DGKB: variants seen among roughly 807,000 people sequenced by gnomAD.
DGKB encodes 90 kDa diacylglycerol kinase.
A neutral mutation model predicts 114.3 loss-of-function variants in DGKB; 67 were observed. That is an observed-to-expected ratio of 0.59 (90% CI 0.48 to 0.72). The LOEUF is 0.72. Among genes scored for constraint, DGKB ranks in the 30% least tolerant of loss-of-function variants. The pLI is 0.00. For synonymous variants in DGKB, 398 were observed against 323.1 expected, an observed-to-expected ratio of 1.23 and a Z score of -2.49; for missense variants, 907 against 975.2, an observed-to-expected ratio of 0.93 and a Z score of 0.93.
chr7:14,609,766 A>G (rs992185120), intron 16 of DGKB, among the ~76,000 whole-genome samples: 6 of 152,038 alleles, frequency 3.9e-5, no homozygotes, highest in African/African-American at 1.4e-4. Flanking sequence ...AAACATATGA[A>G]AACATGCTTA....
At chr7:14,401,738 G>C (rs1306857740) in intron 21 of DGKB, among the ~76,000 whole-genome samples, 4 of 151,670 alleles carry the variant, frequency 2.6e-5, no homozygotes, top group African/African-American at 7.3e-5. Flanking sequence ...CAGCATTATA[G>C]TTAACCAATT....
intron 21 of DGKB, among the ~76,000 whole-genome samples, chr7:14,394,765 A>G (rs1001382514): frequency 1.3e-5 from 2 of 152,004 alleles, no homozygotes; most frequent in Admixed American, 1.3e-4. Context: ...GTCTAACTCA[A>G]GATATTCTAA....
At chr7:14,501,606 T>C (rs1458690269) in intron 20 of DGKB, among the ~76,000 whole-genome samples, 2 of 151,850 alleles carry the variant, frequency 1.3e-5, no homozygotes, top group African/African-American at 4.8e-5. Flanking sequence ...GAGAATCATC[T>C]CCAGGAAGCT....
chr7:14,493,323 A>G (rs778670070), intron 20 of DGKB, among the ~76,000 whole-genome samples: 5 of 152,066 alleles, frequency 3.3e-5, no homozygotes, highest in Non-Finnish European at 7.4e-5. Flanking sequence ...ATAAGTATAT[A>G]TATGGTTTTC....
chr7:14,786,585 C>T (rs1839931338), intron 2 of DGKB, among the ~76,000 whole-genome samples: 2 of 152,234 alleles, frequency 1.3e-5, no homozygotes, highest in Non-Finnish European at 2.9e-5. Context: ...CCTGCACTCC[C>T]AGGCACAGCT....
chr7:14,246,167 T>C (rs1794449187), intron 23 of DGKB, among the ~76,000 whole-genome samples: 1 of 152,166 alleles, frequency 6.6e-6, no homozygotes, highest in Non-Finnish European at 1.5e-5. Flanking sequence ...TATATATTAC[T>C]GCTTGAATGG....
intron 23 of DGKB, among the ~76,000 whole-genome samples, chr7:14,265,990 G>C (rs1045062046): frequency 6.6e-6 from 1 of 152,138 alleles, no homozygotes; most frequent in African/African-American, 2.4e-5. Context: ...TTTTGTTTTT[G>C]AAGCATCCTC....
At chr7:14,900,779 G>A (rs997945386) in intron 1 of DGKB, among the ~76,000 whole-genome samples, 8 of 152,030 alleles carry the variant, frequency 5.3e-5, no homozygotes, top group East Asian at 1.9e-4. Flanking sequence ...CATTGCCACC[G>A]CTCAACTCCA....
rs541286443 is a variant in DGKB at position 14,226,268 on chromosome 7, T to C, written c.2123-48117A>G. ...AATCCCTAGTTACTCATTTTTTTTC[T>C]TGATTCTTAGATTTAAAGCCAGATT... On this transcript the variant is annotated intron_variant, in intron 23 of 25. Coordinates refer to ENST00000402815, the MANE Select transcript of DGKB (RefSeq NM_001350709.2). 3.3e-5 allele frequency among the ~76,000 whole-genome samples: 5 copies of C among 152,100 alleles called. No homozygotes were observed. In the East Asian group the frequency reaches 7.8e-4, roughly 24 times the overall value.
intron 23 of DGKB, among the ~76,000 whole-genome samples, chr7:14,242,474 G>GC (rs1186275984): frequency 6.6e-6 from 1 of 152,112 alleles, no homozygotes; most frequent in Non-Finnish European, 1.5e-5. Context: ...TCAGATTACT[G>GC]CGTGTCTGAG....
intron 1 of DGKB, among the ~76,000 whole-genome samples, chr7:14,911,981 T>C (rs1784026654): frequency 1.3e-5 from 2 of 152,190 alleles, no homozygotes; most frequent in Non-Finnish European, 1.5e-5. Context: ...TCAAAACACA[T>C]CAGAGTTCTG....
intron 17 of DGKB, among the ~76,000 whole-genome samples, chr7:14,606,815 T>TA (rs1804599892): frequency 6.6e-6 from 1 of 152,074 alleles, no homozygotes. Flanking sequence ...TACTAGATCT[T>TA]ACCTGTTAAC....
At chr7:14,702,251 T>G (rs1825325572) in intron 6 of DGKB, among the ~76,000 whole-genome samples, 1 of 152,040 alleles carries the variant, frequency 6.6e-6, no homozygotes, top group African/African-American at 2.4e-5. Context: ...GACACAAAAG[T>G]GAATGTAAGC....
intron 21 of DGKB, among the ~76,000 whole-genome samples, chr7:14,462,234 T>C (rs1047629624): frequency 6.6e-6 from 1 of 152,222 alleles, no homozygotes; most frequent in East Asian, 1.9e-4. Flanking sequence ...CTATTCAATA[T>C]AGTATTGGAA....
At chr7:14,917,333 A>G (rs1349030275) in intron 1 of DGKB, among the ~76,000 whole-genome samples, 2 of 152,050 alleles carry the variant, frequency 1.3e-5, no homozygotes, top group African/African-American at 4.8e-5. Flanking sequence ...AAATCAATGA[A>G]AGCAAAAGTT....
intron 23 of DGKB, among the ~76,000 whole-genome samples, chr7:14,227,711 T>C (rs1243625918): frequency 6.6e-6 from 1 of 151,992 alleles, no homozygotes; most frequent in Non-Finnish European, 1.5e-5. Flanking sequence ...CAAGGGCACA[T>C]AATGGCATAT....
At position 14,391,318 on chromosome 7, in the gene DGKB, A is replaced by G. The variant is rs1821269760; in HGVS notation, c.1836-45927T>C. On this transcript the variant is annotated intron_variant, in intron 21 of 25. Coordinates refer to ENST00000402815, the MANE Select transcript of DGKB (RefSeq NM_001350709.2). ...CATAAGCCAAGTCAACTTTCTCACT[A>G]TCACCTTTCATATTCTCCAACTTAT... is the stretch of plus-strand genomic sequence containing the variant. Among the ~76,000 whole-genome samples, 3 of 152,050 alleles carry G rather than the reference A, an allele frequency of 2.0e-5. No homozygotes were observed. The South Asian group carries it at 6.2e-4, about 31-fold the overall frequency.
chr7:14,383,284 A>G (rs1370363484), intron 21 of DGKB, among the ~76,000 whole-genome samples: 1 of 152,188 alleles, frequency 6.6e-6, no homozygotes, highest in Non-Finnish European at 1.5e-5. Flanking sequence ...GCGGTACACC[A>G]GTTCCTAAAG....
At chr7:14,737,090 G>A (rs1831832316) in intron 4 of DGKB, among the ~76,000 whole-genome samples, 1 of 152,098 alleles carries the variant, frequency 6.6e-6, no homozygotes, top group Non-Finnish European at 1.5e-5. Flanking sequence ...CAGGAACAAT[G>A]GTGCATGAGT....
Sources: gnomAD v4.1 joint callset for allele counts (sites outside exome capture counted in the v4.1 genomes callset) on GRCh38, gnomAD v4.1.1 for gene constraint, MANE v1.5 for transcripts, NCBI Gene and HGNC (gene_info 2026-07-23, HGNC 2026-07-21) for gene names.